SUN3: variants seen among roughly 807,000 people sequenced by gnomAD.
SUN3 encodes Sad1 and UNC84 domain containing 3.
In SUN3, 36 loss-of-function variants were observed where a neutral mutation model predicts 48.2. The ratio of observed to expected loss-of-function variants is 0.75; its 90% CI spans 0.57 to 0.99. The LOEUF is 0.99. Among genes scored for constraint, SUN3 ranks in the 50% least tolerant of loss-of-function variants. The pLI, the probability that SUN3 is intolerant of heterozygous loss-of-function variation, is 0.00. For synonymous variants in SUN3, 148 were observed against 147.9 expected (o/e 1.00, Z 0.00); for missense variants, 419 against 433.1 (o/e 0.97, Z 0.29).
At chr7:47,988,533 A>G (rs1788962011) in intron 9 of SUN3, among the ~76,000 whole-genome samples, 1 of 152,222 alleles carries the variant, frequency 6.6e-6, no homozygotes, top group Admixed American at 6.5e-5. Flanking sequence ...AAGAACCAAG[A>G]AATTAAATAT....
At chr7:48,028,022 T>A (rs1790182052) in intron 1 of SUN3, among the ~76,000 whole-genome samples, 1 of 152,192 alleles carries the variant, frequency 6.6e-6, no homozygotes, top group Non-Finnish European at 1.5e-5. Context: ...GGCTCTGCAT[T>A]GCAAAATTCC....
intron 2 of SUN3, among the ~76,000 whole-genome samples, chr7:48,018,010 G>A (rs1185923526): frequency 2.0e-5 from 3 of 152,148 alleles, no homozygotes; most frequent in African/African-American, 4.8e-5. Context: ...GGGCTCAGAA[G>A]GACTGCTGCA....
chr7:48,017,925 A>G (rs899631100), intron 2 of SUN3, among the ~76,000 whole-genome samples: 3 of 152,204 alleles, frequency 2.0e-5, no homozygotes, highest in Non-Finnish European at 4.4e-5. Context: ...AACTGGGACA[A>G]AGGACAGTAG....
At chr7:48,011,858 A>G (rs1789691766) in intron 3 of SUN3, among the ~76,000 whole-genome samples, 1 of 152,242 alleles carries the variant, frequency 6.6e-6, no homozygotes, top group African/African-American at 2.4e-5. Flanking sequence ...TGCGAGAAGG[A>G]TGAAGTTGGA....
chr7:48,016,180 G>T (rs986854283), intron 3 of SUN3, among the ~76,000 whole-genome samples: 1 of 152,012 alleles, frequency 6.6e-6, no homozygotes, highest in African/African-American at 2.4e-5. Flanking sequence ...AGGAACAGAA[G>T]ACAGCAAGAA....
At chr7:47,997,070 G>A (rs1789234660) in intron 6 of SUN3, among the ~76,000 whole-genome samples, 1 of 152,026 alleles carries the variant, frequency 6.6e-6, no homozygotes, top group Non-Finnish European at 1.5e-5. Context: ...AAAGTGCTGG[G>A]ATTACAGGCG....
chr7:48,034,139 G>C, the SUN3 span, among the ~76,000 whole-genome samples: 1 of 152,200 alleles, frequency 6.6e-6, no homozygotes, highest in Admixed American at 6.5e-5. Context: ...AAAAGCATTT[G>C]TCATGCTTGG....
intron 5 of SUN3, 25 bp downstream of exon 5, chr7:48,007,140 C>CA: frequency 6.3e-7 from 1 of 1,599,710 alleles, no homozygotes; most frequent in Non-Finnish European, 8.5e-7. Context: ...CCACCCTGCC[C>CA]AACCCGCCTA....
At chr7:48,002,196 G>T (rs1789399762) in intron 6 of SUN3, among the ~76,000 whole-genome samples, 1 of 100,628 alleles carries the variant, frequency 9.9e-6, no homozygotes, top group Non-Finnish European at 1.6e-5. Context: ...GTCTCGCTCT[G>T]TCGCCCAGGC....
chr7:48,022,906 A>C (rs1790039610), intron 2 of SUN3, among the ~76,000 whole-genome samples: 2 of 152,238 alleles, frequency 1.3e-5, no homozygotes, highest in Middle Eastern at 3.4e-3. Flanking sequence ...TCTATATATG[A>C]GAAAACGATT....
intron 3 of SUN3, among the ~76,000 whole-genome samples, chr7:48,011,934 A>T (rs1370779274): frequency 6.6e-6 from 1 of 152,236 alleles, no homozygotes; most frequent in Non-Finnish European, 1.5e-5. Flanking sequence ...TCAGAGCATC[A>T]CAGCAACCAA....
chr7:47,997,850 TTCACTA>T (rs1393796917), intron 6 of SUN3, among the ~76,000 whole-genome samples: 1 of 152,232 alleles, frequency 6.6e-6, no homozygotes, highest in Non-Finnish European at 1.5e-5. Context: ...ATGTAGCCTT[TTCACTA>T]AGGCTACTTT....
intron 8 of SUN3, among the ~76,000 whole-genome samples, chr7:47,992,336 GAC>G (rs1789090477): frequency 6.6e-6 from 1 of 152,120 alleles, no homozygotes; most frequent in African/African-American, 2.4e-5. Flanking sequence ...AAGAAAATGA[GAC>G]AAGCCTACAG....
At chr7:48,007,554 A>G (rs113397126) in intron 4 of SUN3, among the ~76,000 whole-genome samples, 4,445 of 152,062 alleles carry the variant, frequency 0.029, 216 homozygotes, top group African/African-American at 0.1. Context: ...CTACTGCTTG[A>G]CCGGGCTCTG....
chr7:48,003,760 T>G (rs1035160102), intron 6 of SUN3, among the ~76,000 whole-genome samples: 3 of 152,230 alleles, frequency 2.0e-5, no homozygotes, highest in Non-Finnish European at 4.4e-5. Context: ...TGATTTTGCA[T>G]CCTGAGACTT....
intron 3 of SUN3, among the ~76,000 whole-genome samples, chr7:48,011,945 A>G (rs1464245688): frequency 1.3e-5 from 2 of 152,202 alleles, no homozygotes; most frequent in African/African-American, 4.8e-5. Flanking sequence ...CAGCAACCAA[A>G]TGGGTGGGAG....
intron 4 of SUN3, 100 bp from the exon 5 acceptor site, chr7:48,007,427 T>C (rs1261786078): frequency 1.9e-6 from 2 of 1,074,702 alleles, no homozygotes; most frequent in Admixed American, 2.3e-5. Flanking sequence ...TGCTTTATAT[T>C]GTTGAAGATA....
chr7:48,003,279 C>T (rs112538110), intron 6 of SUN3, among the ~76,000 whole-genome samples: 4,149 of 152,152 alleles, frequency 0.027, 187 homozygotes, highest in African/African-American at 0.094. Context: ...GGTCTATGTG[C>T]CTGTTTTTGT....
chr7:47,993,537 A>T (rs10951938), intron 8 of SUN3, among the ~76,000 whole-genome samples: 65,143 of 152,078 alleles, frequency 0.43, 14,164 homozygotes, highest in Middle Eastern at 0.53. Flanking sequence ...AACAGTATGC[A>T]AAGTTAAAGA....
Sources: allele counts gnomAD v4.1 joint callset (sites outside exome capture counted in the v4.1 genomes callset), GRCh38; gene constraint gnomAD v4.1.1; transcripts MANE v1.5; gene names NCBI Gene and HGNC (gene_info 2026-07-23, HGNC 2026-07-21).